The following SHISA9 variants were observed in gnomAD, a reference collection of about 807,000 sequenced individuals.
SHISA9 encodes protein shisa-9.
In SHISA9, 13 loss-of-function variants were observed where a neutral mutation model predicts 38.0. The ratio of observed to expected loss-of-function variants is 0.34; its 90% CI spans 0.22 to 0.54. The LOEUF (loss-of-function observed/expected upper bound fraction) is 0.54, where lower values mean the gene tolerates loss of function less well. Among genes scored for constraint, SHISA9 ranks in the 20% least tolerant of loss-of-function variants. The pLI, the probability that SHISA9 is intolerant of heterozygous loss-of-function variation, is 0.91. For synonymous variants in SHISA9, 275 were observed against 242.0 expected (o/e 1.14, Z -1.27); for missense variants, 538 against 575.8 (o/e 0.93, Z 0.67).
rs78618755 is a variant in SHISA9, at chr16:13,178,168, C to T, written c.692-25226C>T. On this transcript the variant is annotated intron_variant, in intron 2 of 4. Transcript: ENST00000558583. ...AAAGGAGCTAGGGTATTTTATTCTT[C>T]TCAAGTTGCTCAGAGCATTCTCCTC... Among the ~76,000 whole-genome samples the T allele has an allele frequency of 1.8e-4, 27 of 152,260 alleles. No homozygotes were observed. In the East Asian group the frequency reaches 5.0e-3, roughly 28 times the overall value.
chr16:13,178,461 C>G (rs981267364), intron 2 of SHISA9, among the ~76,000 whole-genome samples: 2 of 152,104 alleles, frequency 1.3e-5, no homozygotes, highest in African/African-American at 4.8e-5. Context: ...TTGCTTCTTC[C>G]AATCACTCTC....
the SHISA9 span, among the ~76,000 whole-genome samples, chr16:13,387,417 T>C: frequency 1.3e-5 from 2 of 151,970 alleles, no homozygotes; most frequent in African/African-American, 4.8e-5. Flanking sequence ...TGGATTCATG[T>C]TGCTGCAAGC....
intron 2 of SHISA9, among the ~76,000 whole-genome samples, chr16:12,941,533 A>G (rs1001843356): frequency 6.6e-6 from 1 of 152,208 alleles, no homozygotes; most frequent in Non-Finnish European, 1.5e-5. Context: ...AAACAATCCA[A>G]TTATACTCCT....
At chr16:13,387,458 A>G in the SHISA9 span, among the ~76,000 whole-genome samples, 1 of 151,890 alleles carries the variant, frequency 6.6e-6, no homozygotes, top group African/African-American at 2.4e-5. Flanking sequence ...TGGAAGCTGA[A>G]AGGAACAAGG....
chr16:13,317,654 G>T, the SHISA9 span, among the ~76,000 whole-genome samples: 8 of 152,156 alleles, frequency 5.3e-5, no homozygotes, highest in African/African-American at 1.9e-4. Flanking sequence ...GTAGAATGGA[G>T]ATCACAACAG....
intron 2 of SHISA9, among the ~76,000 whole-genome samples, chr16:13,070,403 G>A (rs1019424743): frequency 2.6e-5 from 4 of 152,190 alleles, no homozygotes; most frequent in Admixed American, 2.6e-4. Flanking sequence ...CATGCGATTG[G>A]CCAGGCTGGG....
intron 2 of SHISA9, among the ~76,000 whole-genome samples, chr16:13,037,521 G>A (rs1411845700): frequency 2.0e-5 from 3 of 152,088 alleles, no homozygotes; most frequent in Admixed American, 6.5e-5. Context: ...CTGAGGGTAT[G>A]GACAGGATGG....
At chr16:12,975,005 G>A (rs1020042305) in intron 2 of SHISA9, among the ~76,000 whole-genome samples, 1 of 152,060 alleles carries the variant, frequency 6.6e-6, no homozygotes, top group Admixed American at 6.5e-5. Context: ...TAACCTACAT[G>A]CACAATATTT....
chr16:13,350,931 T>C, the SHISA9 span, among the ~76,000 whole-genome samples: 1 of 152,184 alleles, frequency 6.6e-6, no homozygotes. Flanking sequence ...CCAGGGAACA[T>C]GAAGCCCGCA....
the SHISA9 span, among the ~76,000 whole-genome samples, chr16:13,467,778 G>A: frequency 2.0e-5 from 3 of 152,126 alleles, no homozygotes; most frequent in East Asian, 5.8e-4. Context: ...TCCCATGTAG[G>A]ATCTTGGGCC....
At chr16:13,136,756 G>A (rs976170130) in intron 2 of SHISA9, among the ~76,000 whole-genome samples, 1 of 152,238 alleles carries the variant, frequency 6.6e-6, no homozygotes, top group Non-Finnish European at 1.5e-5. Flanking sequence ...TGGAATAAGA[G>A]TCCTTTCTAC....
At chr16:12,935,576 A>G (rs2071519020) in intron 2 of SHISA9, among the ~76,000 whole-genome samples, 1 of 152,150 alleles carries the variant, frequency 6.6e-6, no homozygotes. Flanking sequence ...GGCCGGGCCC[A>G]GGGGCTCACG....
At chr16:13,134,459 G>A (rs1280717981) in intron 2 of SHISA9, among the ~76,000 whole-genome samples, 5 of 152,036 alleles carry the variant, frequency 3.3e-5, no homozygotes, top group African/African-American at 1.2e-4. Context: ...GAGAGAGGAG[G>A]GGTTATTTCT....
chr16:13,454,258 C>G, the SHISA9 span, among the ~76,000 whole-genome samples: 1 of 152,008 alleles, frequency 6.6e-6, no homozygotes, highest in Admixed American at 6.6e-5. Flanking sequence ...GAAGGAGATA[C>G]TATGTCAATG....
At chr16:13,080,491 C>A (rs1403776965) in intron 2 of SHISA9, among the ~76,000 whole-genome samples, 1 of 152,070 alleles carries the variant, frequency 6.6e-6, no homozygotes, top group Non-Finnish European at 1.5e-5. Flanking sequence ...TAGTGTGGAT[C>A]CTGTGTCTGC....
the SHISA9 span, among the ~76,000 whole-genome samples, chr16:13,420,507 T>C: frequency 1.3e-5 from 2 of 152,008 alleles, no homozygotes; most frequent in East Asian, 1.9e-4. Context: ...CAGTCTGAGA[T>C]TGGAAGAAGC....
chr16:13,551,697 C>G, the SHISA9 span, among the ~76,000 whole-genome samples: 1 of 152,192 alleles, frequency 6.6e-6, no homozygotes, highest in South Asian at 2.1e-4. Flanking sequence ...CACAAAGGGG[C>G]TTCATACTGC....
At chr16:13,296,493 A>C in the SHISA9 span, among the ~76,000 whole-genome samples, 1 of 151,834 alleles carries the variant, frequency 6.6e-6, no homozygotes, top group Admixed American at 6.6e-5. Context: ...AAAATGTTCT[A>C]TGTGGAAGGG....
At chr16:13,097,242 G>C (rs1363980777) in intron 2 of SHISA9, among the ~76,000 whole-genome samples, 1 of 152,106 alleles carries the variant, frequency 6.6e-6, no homozygotes, top group Non-Finnish European at 1.5e-5. Flanking sequence ...GCCCAGGGAA[G>C]GGAAGGGAAT....
Sources: gnomAD v4.1 joint callset for allele counts (sites outside exome capture counted in the v4.1 genomes callset) on GRCh38, gnomAD v4.1.1 for gene constraint, MANE v1.5 for transcripts, NCBI Gene and HGNC (gene_info 2026-07-23, HGNC 2026-07-21) for gene names.